Variants in APP observed in about 807,000 individuals in gnomAD.
The protein encoded by APP is amyloid beta precursor protein, also known as amyloid-beta precursor protein.
Under a neutral mutation model 101.4 loss-of-function variants are expected in APP, and 31 were observed. That is an observed-to-expected ratio of 0.31 (90% CI 0.23 to 0.41). The LOEUF (loss-of-function observed/expected upper bound fraction) is 0.41, where lower values mean the gene tolerates loss of function less well. APP is among the 10% of genes least tolerant of loss of function. The pLI is 1.00. For synonymous variants in APP, 366 were observed against 364.4 expected (o/e 1.00, Z -0.05); for missense variants, 839 against 1,003.7 (o/e 0.84, Z 2.22).
At chr21:25,995,698 G>T (rs928987090) in intron 8 of APP, among the ~76,000 whole-genome samples, 10 of 152,180 alleles carry the variant, frequency 6.6e-5, no homozygotes, top group African/African-American at 2.4e-4. Context: ...CAACCCACTT[G>T]CTGTACTTAC....
At chr21:26,145,099 T>C (rs1000392529) in intron 1 of APP, among the ~76,000 whole-genome samples, 2 of 152,144 alleles carry the variant, frequency 1.3e-5, no homozygotes, top group African/African-American at 4.8e-5. Flanking sequence ...ATGTTTTACG[T>C]GGAATGGGAT....
chr21:26,036,057 G>A (rs2045094809), intron 5 of APP, among the ~76,000 whole-genome samples: 1 of 152,090 alleles, frequency 6.6e-6, no homozygotes, highest in Non-Finnish European at 1.5e-5. Context: ...ACTAGGTAGA[G>A]TCTGGCCTAG....
chr21:26,105,162 A>T (rs1456556626), intron 2 of APP, among the ~76,000 whole-genome samples: 2 of 152,064 alleles, frequency 1.3e-5, no homozygotes, highest in Non-Finnish European at 2.9e-5. Context: ...ACACCCATCA[A>T]CCAGGAATTC....
At chr21:26,090,833 A>G (rs1335504916) in intron 2 of APP, among the ~76,000 whole-genome samples, 1 of 152,214 alleles carries the variant, frequency 6.6e-6, no homozygotes. Flanking sequence ...ATTTACATGA[A>G]AATAACTTAT....
chr21:26,058,509 T>C (rs1374550327), intron 3 of APP, among the ~76,000 whole-genome samples: 3 of 152,268 alleles, frequency 2.0e-5, no homozygotes, highest in South Asian at 2.1e-4. Context: ...GATTTCTTTA[T>C]GTTGTCTTTT....
intron 13 of APP, chr21:25,933,799 T>TA (rs2040247943): frequency 6.6e-6 from 1 of 150,940 alleles, no homozygotes; most frequent in Non-Finnish European, 1.5e-5. Flanking sequence ...ATGTTATTAT[T>TA]TTTTTTTTAA....
At position 26,036,875 on chromosome 21, in the gene APP, A is replaced by G. The variant is rs2045136537; in HGVS notation, c.662+14125T>C. ...GAGAAATCAGTATATTAAAAGAGGT[A>G]TCTGCACTCCCATATTTACTGCAGC... On this transcript the variant is annotated intron_variant, in intron 5 of 17. Transcript: ENST00000346798. Among the ~76,000 whole-genome samples, 2 of 152,180 alleles carry G rather than the reference A, an allele frequency of 1.3e-5. 1 individual carries two copies. The highest frequency in any genetic ancestry group is 4.1e-4 in the South Asian group (2 of 4,828).
chr21:26,114,845 AT>A (rs1158662472), intron 1 of APP, among the ~76,000 whole-genome samples: 1 of 149,998 alleles, frequency 6.7e-6, no homozygotes, highest in Non-Finnish European at 1.5e-5. Context: ...TTTTTTAAAC[AT>A]TTTTTTCAAA....
intron 13 of APP, among the ~76,000 whole-genome samples, chr21:25,935,839 CAAAAAA>C (rs67114400): frequency 0.012 from 917 of 77,032 alleles, 12 homozygotes; most frequent in African/African-American, 0.045. Context: ...GACTCTGTCT[CAAAAAA>C]AAAAAAAAAA....
At chr21:25,910,245 A>G (rs1371384090) in intron 14 of APP, among the ~76,000 whole-genome samples, 2 of 151,916 alleles carry the variant, frequency 1.3e-5, no homozygotes. Flanking sequence ...CTCCTGCCTC[A>G]GCCTCCCGAG....
chr21:26,011,379 TG>T (rs1336554180), intron 6 of APP, among the ~76,000 whole-genome samples: 22 of 152,062 alleles, frequency 1.4e-4, no homozygotes, highest in Admixed American at 1.4e-3. Flanking sequence ...CCTGGGCTTC[TG>T]TTCACATATC....
chr21:26,145,448 G>A (rs1484151699), intron 1 of APP, among the ~76,000 whole-genome samples: 2 of 152,144 alleles, frequency 1.3e-5, no homozygotes, highest in Non-Finnish European at 2.9e-5. Flanking sequence ...TAGGTTTTGT[G>A]CTCCTGTGAG....
At chr21:25,910,599 TGA>T (rs1262097300) in intron 14 of APP, among the ~76,000 whole-genome samples, 1 of 152,210 alleles carries the variant, frequency 6.6e-6, no homozygotes, top group East Asian at 1.9e-4. Flanking sequence ...TAAAAGAAGC[TGA>T]AAGATATTCT....
At chr21:26,127,073 T>C (rs539747534) in intron 1 of APP, among the ~76,000 whole-genome samples, 31 of 152,056 alleles carry the variant, frequency 2.0e-4, no homozygotes, top group Non-Finnish European at 4.4e-4. Context: ...TTACAGAAGA[T>C]TGCCCCATAA....
At chr21:26,133,230 T>C (rs1292596839) in intron 1 of APP, among the ~76,000 whole-genome samples, 1 of 152,106 alleles carries the variant, frequency 6.6e-6, no homozygotes, top group Non-Finnish European at 1.5e-5. Context: ...CCCTGCCCCA[T>C]CTCTCAAAGA....
Position 26,004,275 on chromosome 21 carries a change from C to CTTTT in APP, c.866-4097_866-4094dup, listed in dbSNP as rs71183538. Among the ~76,000 whole-genome samples, 92 of 72,804 alleles carry CTTTT rather than the reference C, an allele frequency of 1.3e-3. 1 individual carries two copies. Among genetic ancestry groups the CTTTT allele is most frequent in the African/African-American group, 2.4e-3 (45 of 18,720 alleles). 47.8% of individuals were successfully genotyped at this position (72,804 alleles called of 152,430 possible). On this transcript the variant is annotated intron_variant, in intron 6 of 17. Transcript: ENST00000346798. ...TATGCAGGGTCTCTTTGTATTAATT[C>CTTTT]TTTTTTTTTTTTTTTTTTTTTTTTT...
intron 3 of APP, among the ~76,000 whole-genome samples, chr21:26,069,063 C>T (rs1260196748): frequency 1.3e-5 from 2 of 152,224 alleles, no homozygotes; most frequent in African/African-American, 2.4e-5. Context: ...AGAACTAACA[C>T]TGAACATTGT....
At chr21:26,144,231 T>G (rs1419349087) in intron 1 of APP, among the ~76,000 whole-genome samples, 5 of 152,102 alleles carry the variant, frequency 3.3e-5, no homozygotes, top group African/African-American at 4.8e-5. Context: ...CCACTACACA[T>G]GGGGATTATG....
At chr21:25,907,229 AAAACT>A (rs926470829) in intron 14 of APP, among the ~76,000 whole-genome samples, 35 of 152,226 alleles carry the variant, frequency 2.3e-4, no homozygotes, top group Non-Finnish European at 4.4e-4. Context: ...AAGATTAAAC[AAAACT>A]AGTTTCAGTG....
Sources: allele counts gnomAD v4.1 joint callset (sites outside exome capture counted in the v4.1 genomes callset), GRCh38; gene constraint gnomAD v4.1.1; transcripts MANE v1.5; gene names NCBI Gene and HGNC (gene_info 2026-07-23, HGNC 2026-07-21).